Variants in CEP112 observed in about 807,000 individuals in gnomAD.
CEP112 encodes centrosomal protein of 112 kDa.
CEP112 carries 127 observed loss-of-function variants against 153.0 expected under a neutral mutation model. The observed-to-expected ratio is 0.83, with a 90% CI of 0.72 to 0.96. CEP112 has a LOEUF of 0.96. Among genes scored for constraint, CEP112 ranks in the 40% least tolerant of loss-of-function variants. The pLI, the probability that CEP112 is intolerant of heterozygous loss-of-function variation, is 0.00. For synonymous variants in CEP112, 358 were observed against 374.4 expected (o/e 0.96, Z 0.51); for missense variants, 1,089 against 1,101.2 (o/e 0.99, Z 0.16).
intron 4 of CEP112, among the ~76,000 whole-genome samples, chr17:66,156,821 C>T (rs938007066): frequency 1.4e-4 from 22 of 151,816 alleles, no homozygotes; most frequent in African/African-American, 5.1e-4. Flanking sequence ...AGTGTGAAGA[C>T]AAGATTAGAG....
intron 18 of CEP112, among the ~76,000 whole-genome samples, chr17:65,956,435 C>CACACACACAT: frequency 6.6e-6 from 1 of 150,882 alleles, no homozygotes; most frequent in East Asian, 1.9e-4. Context: ...CACACACACA[C>CACACACACAT]CATGGAATAC....
At position 66,137,373 on chromosome 17, in the gene CEP112, T is replaced by C. The variant is rs182483479; in HGVS notation, c.471-4610A>G. Among the ~76,000 whole-genome samples, 4 of 152,134 alleles carry C rather than the reference T, an allele frequency of 2.6e-5. No homozygotes were observed. The East Asian group carries it at 7.7e-4, about 29-fold the overall frequency. ...CTATCAAGCAGGCCAATTTACATAT[T>C]ACTAAAGTTAGAGAAAGAGAAGAGA... On this transcript the variant is annotated intron_variant, in intron 4 of 26. Coordinates refer to ENST00000535342, the MANE Select transcript of CEP112 (RefSeq NM_001199165.4).
chr17:66,081,574 G>C (rs1167011127), intron 8 of CEP112, among the ~76,000 whole-genome samples: 1 of 149,426 alleles, frequency 6.7e-6, no homozygotes, highest in Non-Finnish European at 1.5e-5. Context: ...CTTTATCCTA[G>C]AGTTATTTAA....
chr17:66,143,933 C>T (rs1034082467), intron 4 of CEP112, among the ~76,000 whole-genome samples: 5 of 152,172 alleles, frequency 3.3e-5, no homozygotes, highest in Admixed American at 3.3e-4. Context: ...TATTTCTCTG[C>T]TCTTTGAATG....
chr17:66,190,567 T>A (rs143723786), intron 1 of CEP112, among the ~76,000 whole-genome samples: 5,307 of 149,894 alleles, frequency 0.035, 137 homozygotes, highest in Middle Eastern at 0.065. Context: ...GTGAGCTGAG[T>A]TTGCACCACT....
chr17:65,709,744 T>C (rs1273037148), intron 23 of CEP112, among the ~76,000 whole-genome samples: 2 of 152,224 alleles, frequency 1.3e-5, no homozygotes, highest in South Asian at 4.1e-4. Flanking sequence ...AGCGGCATTA[T>C]ACAAAATAGC....
At chr17:66,050,548 T>C (rs1428025187) in intron 12 of CEP112, among the ~76,000 whole-genome samples, 1 of 152,192 alleles carries the variant, frequency 6.6e-6, no homozygotes, top group Non-Finnish European at 1.5e-5. Context: ...GATATAAAGA[T>C]TTGGTCATTT....
At chr17:65,859,711 T>C (rs1230535048) in intron 20 of CEP112, among the ~76,000 whole-genome samples, 2 of 142,896 alleles carry the variant, frequency 1.4e-5, no homozygotes, top group Non-Finnish European at 3.1e-5. Context: ...GACAAGAACA[T>C]AAAAAAAAAA....
At chr17:66,173,985 G>A (rs910487834) in intron 4 of CEP112, among the ~76,000 whole-genome samples, 3 of 152,076 alleles carry the variant, frequency 2.0e-5, no homozygotes, top group African/African-American at 7.2e-5. Flanking sequence ...CTGGAGTGCA[G>A]TAGTGGAATC....
At chr17:65,926,466 A>C (rs2060927816) in intron 19 of CEP112, among the ~76,000 whole-genome samples, 1 of 152,124 alleles carries the variant, frequency 6.6e-6, no homozygotes. Flanking sequence ...TAATCACAGC[A>C]TTTTGGGAGG....
chr17:65,838,253 G>A (rs1240583194), intron 21 of CEP112, among the ~76,000 whole-genome samples: 1 of 151,900 alleles, frequency 6.6e-6, no homozygotes, highest in Admixed American at 6.6e-5. Flanking sequence ...CTACATATTA[G>A]GTCACAAAAC....
At chr17:66,009,359 T>C (rs187347697) in intron 16 of CEP112, among the ~76,000 whole-genome samples, 141 of 152,280 alleles carry the variant, frequency 9.3e-4, no homozygotes, top group African/African-American at 3.2e-3. Context: ...TTTGGAAAAG[T>C]GTCTATTCAA....
At chr17:66,079,116 A>C (rs1412972596) in intron 8 of CEP112, among the ~76,000 whole-genome samples, 1 of 152,126 alleles carries the variant, frequency 6.6e-6, no homozygotes, top group Admixed American at 6.5e-5. Context: ...TAATAATAAT[A>C]ATACTTAACA....
intron 6 of CEP112, among the ~76,000 whole-genome samples, chr17:66,110,632 G>T (rs229866): frequency 0.95 from 142,547 of 150,820 alleles, 67,452 homozygotes; most frequent in East Asian, 0.98. Flanking sequence ...TTAGAAGAAT[G>T]ATGTTATGGC....
At chr17:66,079,954 A>G (rs1198923545) in intron 8 of CEP112, among the ~76,000 whole-genome samples, 2 of 152,208 alleles carry the variant, frequency 1.3e-5, no homozygotes, top group Non-Finnish European at 2.9e-5. Context: ...CTGGCTAGCC[A>G]TAGGTAGAAA....
intron 17 of CEP112, among the ~76,000 whole-genome samples, chr17:65,996,757 G>T (rs985235681): frequency 6.6e-6 from 1 of 152,132 alleles, no homozygotes. Flanking sequence ...GAAATGTTAG[G>T]ATATTTAGGA....
In CEP112 at chr17:66,029,934, T is replaced by C. The variant is rs751477976; in HGVS notation, c.1308A>G (p.Gln436=). ...NSNLQRQKLI[Q]EKAELERCYQ... is the part of the protein sequence containing the mutation. Reference sequence around the variant, plus strand: ...AACATCTTTCAAGTTCTGCTTTTTCTTGAATTAATTTCTGCCTCTGTAAAT... The same window carrying C: ...AACATCTTTCAAGTTCTGCTTTTTCCTGAATTAATTTCTGCCTCTGTAAAT... The change falls in exon 13 of 27, where the codon CAA becomes CAG. Residue 436 remains glutamine (Q), a synonymous_variant. Coordinates refer to ENST00000535342, the MANE Select transcript of CEP112 (RefSeq NM_001199165.4). The C allele has an allele frequency of 1.2e-6, 2 of 1,613,846 alleles. No individual in the cohort carries two copies. The highest frequency in any genetic ancestry group is 8.5e-7 in the Non-Finnish European group (1 of 1,179,896).
chr17:65,651,044 A>G (rs8077707), intron 24 of CEP112, among the ~76,000 whole-genome samples: 94,302 of 151,868 alleles, frequency 0.62, 29,837 homozygotes, highest in East Asian at 0.95. Flanking sequence ...TCACCTGAGC[A>G]GTGTACACTG....
intron 8 of CEP112, among the ~76,000 whole-genome samples, chr17:66,076,198 G>T (rs899662145): frequency 6.6e-6 from 1 of 152,144 alleles, no homozygotes; most frequent in African/African-American, 2.4e-5. Flanking sequence ...GGGCGAGAAG[G>T]CTCTGGGCCA....
Sources: allele counts gnomAD v4.1 joint callset (sites outside exome capture counted in the v4.1 genomes callset), GRCh38; gene constraint gnomAD v4.1.1; transcripts MANE v1.5; gene names NCBI Gene and HGNC (gene_info 2026-07-23, HGNC 2026-07-21).